Variants in PIK3CB observed in about 807,000 individuals in gnomAD.
PIK3CB encodes phosphatidylinositol 4,5-bisphosphate 3-kinase catalytic subunit beta isoform.
A neutral mutation model predicts 136.8 loss-of-function variants in PIK3CB; 39 were observed. That is an observed-to-expected ratio of 0.29 (90% confidence interval 0.22 to 0.37). The LOEUF (loss-of-function observed/expected upper bound fraction) is 0.37, where lower values mean the gene tolerates loss of function less well. Among genes scored for constraint, PIK3CB ranks in the 10% least tolerant of loss-of-function variants. The probability of loss-of-function intolerance (pLI) is 1.00; values close to 1 mark genes in which losing one functional copy is unlikely to be tolerated. For missense variants in PIK3CB, 868 were observed against 1,275.4 expected, an observed-to-expected ratio of 0.68 and a Z score of 4.87; for synonymous variants, 428 against 436.6, an observed-to-expected ratio of 0.98 and a Z score of 0.25.
chr3:138,812,782 G>A (rs1219005548), intron 1 of PIK3CB, among the ~76,000 whole-genome samples: 1 of 152,150 alleles, frequency 6.6e-6, no homozygotes, highest in African/African-American at 2.4e-5. Context: ...ACCCACCTCA[G>A]CCTCCCAAAG....
At chr3:138,820,461 T>C (rs1306270691) in intron 1 of PIK3CB, among the ~76,000 whole-genome samples, 1 of 152,212 alleles carries the variant, frequency 6.6e-6, no homozygotes, top group African/African-American at 2.4e-5. Flanking sequence ...GGTAAAATGA[T>C]TCCACATCAG....
chr3:138,655,302 C>T lies in PIK3CB; in HGVS notation c.*87G>A. ...CAGGATTTCATTCCCTTTATAACAT[C>T]TCTAACAGGGTCATGTTCAATTTAG... is the stretch of plus-strand genomic sequence containing the variant. On this transcript the variant is annotated 3_prime_UTR_variant, in exon 24 of 24. Coordinates refer to ENST00000674063, the MANE Select transcript of PIK3CB (RefSeq NM_006219.3). The T allele has an allele frequency of 7.6e-7, 1 of 1,322,658 alleles. No individual in the cohort carries two copies. Among genetic ancestry groups the T allele is most frequent in the East Asian group, 2.3e-5 (1 of 43,400 alleles). The allele number at this position is 1,322,658 out of a possible 1,614,324, so 81.9% of individuals were successfully genotyped here.
At chr3:138,800,831 G>T (rs2046166075) in intron 1 of PIK3CB, among the ~76,000 whole-genome samples, 1 of 151,388 alleles carries the variant, frequency 6.6e-6, no homozygotes, top group Admixed American at 6.6e-5. Context: ...CGCCATGTTG[G>T]CCAGGCTGGT....
chr3:138,704,250 C>A (rs1576339005), intron 12 of PIK3CB, among the ~76,000 whole-genome samples, 193 bp downstream of exon 12: 1 of 152,268 alleles, frequency 6.6e-6, no homozygotes, highest in South Asian at 2.1e-4. Flanking sequence ...AAGGGCTTGC[C>A]CACTGAACCC....
intron 2 of PIK3CB, among the ~76,000 whole-genome samples, chr3:138,794,032 AGCT>A: frequency 6.6e-6 from 1 of 152,246 alleles, no homozygotes; most frequent in Non-Finnish European, 1.5e-5. Context: ...CCGCGATCTC[AGCT>A]TACTGCAACC....
intron 2 of PIK3CB, chr3:138,770,170 G>C (rs985118729): frequency 4.6e-5 from 7 of 152,138 alleles, no homozygotes; most frequent in Non-Finnish European, 7.3e-5. Context: ...GAAGCTATCA[G>C]AGGGCACAGG....
At chr3:138,752,288 C>T (rs559463909) in intron 4 of PIK3CB, among the ~76,000 whole-genome samples, 1 of 152,058 alleles carries the variant, frequency 6.6e-6, no homozygotes, top group African/African-American at 2.4e-5. Context: ...AGGGCAATTA[C>T]GTCTCTAAAG....
intron 1 of PIK3CB, among the ~76,000 whole-genome samples, chr3:138,802,493 T>C (rs988308340): frequency 6.6e-5 from 10 of 151,826 alleles, no homozygotes; most frequent in African/African-American, 2.2e-4. Flanking sequence ...CTCATCTCTA[T>C]TGAGATATTA....
At chr3:138,744,134 GT>G (rs2045298192) in intron 4 of PIK3CB, among the ~76,000 whole-genome samples, 1 of 152,024 alleles carries the variant, frequency 6.6e-6, no homozygotes, top group East Asian at 1.9e-4. Flanking sequence ...GCTCACGCCT[GT>G]AATCCCAGCA....
intron 13 of PIK3CB, among the ~76,000 whole-genome samples, chr3:138,696,743 C>T (rs760750555): frequency 1.3e-5 from 2 of 152,116 alleles, no homozygotes; most frequent in Admixed American, 6.5e-5. Context: ...CAATTTTTCT[C>T]ACTAATAGAT....
At chr3:138,690,391 A>C (rs1345846208) in intron 15 of PIK3CB, among the ~76,000 whole-genome samples, 1 of 152,124 alleles carries the variant, frequency 6.6e-6, no homozygotes, top group Non-Finnish European at 1.5e-5. Flanking sequence ...GTCAGAAATG[A>C]GAAATCTATT....
At chr3:138,693,403 A>G (rs2044051417) in intron 14 of PIK3CB, among the ~76,000 whole-genome samples, 2 of 149,316 alleles carry the variant, frequency 1.3e-5, no homozygotes, top group South Asian at 4.3e-4. Context: ...CTGAATTATT[A>G]TTATTTTTTT....
rs764345657 is a variant in PIK3CB at position 138,707,120 on chromosome 3, T to A, written c.1530+39A>T. ...ATACATAGAGGAACTGATCATTCAA[T>A]CATTTCATGCATAGAGGTCCTTTAA... On this transcript the variant is annotated intron_variant, in intron 11 of 23. Coordinates refer to ENST00000674063, the MANE Select transcript of PIK3CB (RefSeq NM_006219.3). 3.4e-6 allele frequency: 4 copies of A among 1,185,304 alleles called. No individual in the cohort carries two copies. The South Asian group carries it at 3.7e-5, about 11-fold the overall frequency. The allele number at this position is 1,185,304 out of a possible 1,614,324, so 73.4% of individuals were successfully genotyped here. A position where few individuals can be genotyped will look rare whatever the true frequency, so the allele number is the denominator to read the frequency against.
chr3:138,698,839 G>A (rs2108529398), intron 13 of PIK3CB, 68 bp downstream of exon 13: 1 of 896,322 alleles, frequency 1.1e-6, no homozygotes, highest in Non-Finnish European at 1.7e-6. Flanking sequence ...ATGAGAAAAG[G>A]ATACTTTATG....
intron 2 of PIK3CB, among the ~76,000 whole-genome samples, chr3:138,774,311 G>A (rs1181014839): frequency 4.6e-5 from 7 of 152,184 alleles, no homozygotes; most frequent in Non-Finnish European, 7.3e-5. Flanking sequence ...TTTGTAAGAG[G>A]TGGGGGTTGT....
intron 19 of PIK3CB, among the ~76,000 whole-genome samples, chr3:138,666,546 C>T (rs1455044029): frequency 6.6e-6 from 1 of 152,112 alleles, no homozygotes; most frequent in Non-Finnish European, 1.5e-5. Context: ...GGGCTTTAGA[C>T]ATTTTCTTCA....
chr3:138,826,723 C>T (rs1190160297), intron 1 of PIK3CB, among the ~76,000 whole-genome samples: 2 of 151,962 alleles, frequency 1.3e-5, no homozygotes, highest in Non-Finnish European at 2.9e-5. Flanking sequence ...CTCTCTCACA[C>T]ACGTGTGCAA....
At chr3:138,792,322 C>T (rs540912307) in intron 2 of PIK3CB, among the ~76,000 whole-genome samples, 107 of 150,976 alleles carry the variant, frequency 7.1e-4, no homozygotes, top group African/African-American at 1.6e-3. Context: ...ATTCACAAGG[C>T]ATTTACATTG....
intron 8 of PIK3CB, among the ~76,000 whole-genome samples, chr3:138,723,288 C>T (rs1303674071): frequency 6.6e-6 from 1 of 152,078 alleles, no homozygotes; most frequent in East Asian, 1.9e-4. Context: ...CAGTGGCTCA[C>T]GCCTGTAATC....
Sources: gnomAD v4.1 joint callset for allele counts (sites outside exome capture counted in the v4.1 genomes callset) on GRCh38, gnomAD v4.1.1 for gene constraint, MANE v1.5 for transcripts, NCBI Gene and HGNC (gene_info 2026-07-23, HGNC 2026-07-21) for gene names.